DLG4: variants seen among roughly 807,000 people sequenced by gnomAD.
The protein encoded by DLG4 is disks large homolog 4.
A neutral mutation model predicts 93.8 loss-of-function variants in DLG4; 7 were observed. The ratio of observed to expected loss-of-function variants is 0.07; its 90% confidence interval spans 0.04 to 0.14. The LOEUF is 0.14. Among genes scored for constraint, DLG4 ranks in the 10% least tolerant of loss-of-function variants. The pLI is 1.00. For missense variants in DLG4, 545 were observed against 992.9 expected (o/e 0.55, Z 6.06); for synonymous variants, 341 against 387.6 (o/e 0.88, Z 1.41).
At chr17:7,218,865 C>T (rs1397565376), upstream of DLG4, 2 of 1,613,538 alleles carry the variant, frequency 1.2e-6, no homozygotes, top group South Asian at 2.2e-5. Context: ...TCTTCTCTCA[C>T]TTTAATCTCC....
At chr17:7,202,388 T>C (rs898681174) in intron 8 of DLG4, among the ~76,000 whole-genome samples, 9 of 152,114 alleles carry the variant, frequency 5.9e-5, no homozygotes, top group Admixed American at 5.2e-4. Flanking sequence ...AATATATGAA[T>C]CATATTAAGA....
In DLG4 at chr17:7,193,933, T is replaced by TC. The variant is rs2069634083; in HGVS notation, c.1515+30dup. 1 of 1,613,458 alleles carries TC rather than the reference T, an allele frequency of 6.2e-7. No homozygotes were observed. Among genetic ancestry groups the TC allele is most frequent in the African/African-American group, 1.3e-5 (1 of 74,974 alleles). ...GCTCAGCTCCATGAGCCCTCACACTTCCACCCAGGCTCACACCCTCCTCCA... is the reference window on the plus strand; with the variant it reads ...GCTCAGCTCCATGAGCCCTCACACTTCCCACCCAGGCTCACACCCTCCTCCA... On this transcript the variant is annotated intron_variant, in intron 13 of 19. Transcript: ENST00000399506. This position sits in a 1 kb window ranked among gnomAD's most constrained non-coding sequence, Gnocchi z 6.7.
At chr17:7,201,143 C>A (rs1388542885) in intron 8 of DLG4, among the ~76,000 whole-genome samples, 2 of 152,210 alleles carry the variant, frequency 1.3e-5, no homozygotes, top group African/African-American at 4.8e-5. Flanking sequence ...GGATTACAGG[C>A]ATGAGCCACC....
rs909588784 is a variant in DLG4 at position 7,196,717 on chromosome 17, G to A, written c.1083+40C>T. The A allele has an allele frequency of 1.9e-6, 3 of 1,584,554 alleles. No homozygotes were observed. The African/African-American group carries it at 4.0e-5, about 21-fold the overall frequency. Reference sequence around the variant, plus strand: ...CCAAGAGCTCTGCGCTCTGCCCTGTGGGGAGGGGGTGGTGCAGGTAGGGGC... The same window carrying A: ...CCAAGAGCTCTGCGCTCTGCCCTGTAGGGAGGGGGTGGTGCAGGTAGGGGC... On this transcript the variant is annotated intron_variant, in intron 9 of 19. Transcript: ENST00000399506. The surrounding 1 kb of genome is among the most constrained non-coding windows in gnomAD (Gnocchi z 8.3).
At position 7,193,143 on chromosome 17, in the gene DLG4, A is replaced by G; in HGVS notation, c.1694-26T>C. On this transcript the variant is annotated intron_variant, in intron 16 of 19. Transcript: ENST00000399506. This position sits in a 1 kb window ranked among gnomAD's most constrained non-coding sequence, Gnocchi z 6.7. ...CTGCCAGGAAGTCACCCCACCCCCC[A>G]AAGATCTAACCACCATCCCTCTAGC... 1 of 1,612,000 alleles carries G rather than the reference A, an allele frequency of 6.2e-7. No individual in the cohort carries two copies. The highest frequency in any genetic ancestry group is 8.5e-7 in the Non-Finnish European group (1 of 1,178,946).
rs750427347 is a variant in DLG4, at chr17:7,196,358, T to G, written c.1187-24A>C. 3.7e-6 allele frequency: 6 copies of G among 1,612,896 alleles called. No individual in the cohort carries two copies. Among genetic ancestry groups the G allele is most frequent in the Non-Finnish European group, 5.1e-6 (6 of 1,178,870 alleles). ...CTCTGAGGAAGGACAGGGAGGTTTC[T>G]GAGCTCTGTCCCCATCCTACTGTCA... On this transcript the variant is annotated intron_variant, in intron 10 of 19. Transcript: ENST00000399506. This position sits in a 1 kb window ranked among gnomAD's most constrained non-coding sequence, Gnocchi z 8.3.
At chr17:7,206,211 T>A (rs2070456923) in intron 2 of DLG4, among the ~76,000 whole-genome samples, 1 of 152,012 alleles carries the variant, frequency 6.6e-6, no homozygotes, top group Non-Finnish European at 1.5e-5. Context: ...CACCTCAGCC[T>A]CCTGAGTAGC....
chr17:7,197,503 TG>T (rs2069857859), intron 8 of DLG4, among the ~76,000 whole-genome samples: 1 of 151,978 alleles, frequency 6.6e-6, no homozygotes, highest in African/African-American at 2.4e-5. Context: ...TTTGTTTTTT[TG>T]GGGTTTTTTT....
In DLG4 at chr17:7,191,317, G is replaced by C. The variant is rs1268471641; in HGVS notation, c.2018C>G (p.Ala673Gly). 2.5e-6 allele frequency: 4 copies of C among 1,613,942 alleles called. No homozygotes were observed. The highest frequency in any genetic ancestry group is 3.4e-6 in the Non-Finnish European group (4 of 1,179,852). ...KRITEEQARK[A>G]FDRATKLEQE... ...CTCCAGCTTGGTGGCTCTGTCGAAG[G>C]CTTTGCGGGCTTGCTCCTCTGTGAT... The change falls in exon 19 of 20, where the codon GCC becomes GGC. Residue 673 changes from alanine (A) to glycine (G), a missense_variant. Around this residue, in one of 5 missense-constraint regions of DLG4, gnomAD observed 428 missense variants for 741.4 expected, o/e 0.58. Transcript: ENST00000399506. This position sits in a 1 kb window ranked among gnomAD's most constrained non-coding sequence, Gnocchi z 6.6.
intron 1 of DLG4, among the ~76,000 whole-genome samples, chr17:7,210,251 G>A (rs72839704): frequency 0.024 from 3,686 of 152,278 alleles, 67 homozygotes; most frequent in Middle Eastern, 0.041. Context: ...TGTAGAGTAA[G>A]GGTACAGTAA....
upstream of DLG4, chr17:7,218,706 T>C: frequency 6.5e-7 from 1 of 1,542,228 alleles, no homozygotes; most frequent in Non-Finnish European, 8.8e-7. Context: ...ACACTGTCAC[T>C]TCATCTCCCC....
Position 7,189,371 on chromosome 17 carries a change from C to A in DLG4, c.*1337G>T, listed in dbSNP as rs1302580800. Reference sequence around the variant, plus strand: ...AGGCATGGTGGCAGTAATCTGTAATCCCAGCTACTCAGGGGGCTGAGGCAG... The same window carrying A: ...AGGCATGGTGGCAGTAATCTGTAATACCAGCTACTCAGGGGGCTGAGGCAG... On this transcript the variant is annotated 3_prime_UTR_variant, in exon 20 of 20. Transcript: ENST00000399506. Among the ~76,000 whole-genome samples the A allele has an allele frequency of 6.6e-6, 1 of 151,848 alleles. No homozygotes were observed. The highest frequency in any genetic ancestry group is 1.5e-5 in the Non-Finnish European group (1 of 67,984).
chr17:7,196,155 G>C lies in DLG4; in HGVS notation c.1301+65C>G. On this transcript the variant is annotated intron_variant, in intron 11 of 19. Coordinates refer to ENST00000399506, the MANE Select transcript of DLG4 (RefSeq NM_001321075.3). The surrounding 1 kb of genome is among the most constrained non-coding windows in gnomAD (Gnocchi z 8.3). Reference sequence around the variant, plus strand: ...TGGAGAAGAGGAGCGGCTGAGGCCCGGGCCAGGCACAGAGTGCCCAGGAAC... The same window carrying C: ...TGGAGAAGAGGAGCGGCTGAGGCCCCGGCCAGGCACAGAGTGCCCAGGAAC... 7.7e-7 allele frequency: 1 copy of C among 1,293,604 alleles called. No homozygotes were observed. 80.1% of individuals were successfully genotyped at this position (1,293,604 alleles called of 1,614,324 possible).
intron 1 of DLG4, among the ~76,000 whole-genome samples, chr17:7,214,937 C>T (rs1220739599): frequency 2.0e-5 from 3 of 152,154 alleles, no homozygotes; most frequent in African/African-American, 7.2e-5. Flanking sequence ...TAAATATAGG[C>T]AATGAAAGAT....
rs2069474411 is a variant in DLG4, at chr17:7,191,143, A to G, written c.2068+124T>C. On this transcript the variant is annotated intron_variant, in intron 19 of 19. Coordinates refer to ENST00000399506, the MANE Select transcript of DLG4 (RefSeq NM_001321075.3). The surrounding 1 kb of genome is among the most constrained non-coding windows in gnomAD (Gnocchi z 6.6). ...CGCCAGTGCTGGGATTACAGGCGTG[A>G]GCCACCATGCCGCGCCCACAGGGGC... The G allele has an allele frequency of 9.4e-6, 8 of 846,570 alleles. No homozygotes were observed. In the East Asian group the frequency reaches 1.9e-4, roughly 20 times the overall value. 52.4% of individuals were successfully genotyped at this position (846,570 alleles called of 1,614,324 possible). A position where few individuals can be genotyped will look rare whatever the true frequency, so the allele number is the denominator to read the frequency against.
At chr17:7,212,761 AC>A in intron 1 of DLG4, among the ~76,000 whole-genome samples, 1 of 152,122 alleles carries the variant, frequency 6.6e-6, no homozygotes, top group African/African-American at 2.4e-5. Context: ...TTGGCCTGGC[AC>A]GGTGGCTCAC....
Position 7,204,032 on chromosome 17 carries a change from T to C in DLG4, c.186A>G (p.Glu62=). The change falls in exon 4 of 20, where the codon GAA becomes GAG. Residue 62 remains glutamate, a synonymous_variant. Transcript: ENST00000399506. Reference sequence around the variant, plus strand: ...CCCTTTCCAATGTGATTTCCTCGTATTCCATCTCCCCCTCGGTCCCGTTCA... The same window carrying C: ...CCCTTTCCAATGTGATTTCCTCGTACTCCATCTCCCCCTCGGTCCCGTTCA... ...LQVNGTEGEM[E]YEEITLERGN... 6.2e-7 allele frequency: 1 copy of C among 1,611,500 alleles called. No individual in the cohort carries two copies. The highest frequency in any genetic ancestry group is 8.5e-7 in the Non-Finnish European group (1 of 1,178,900).
At chr17:7,218,052 G>C (rs923664687), upstream of DLG4, among the ~76,000 whole-genome samples, 4 of 151,852 alleles carry the variant, frequency 2.6e-5, no homozygotes, top group African/African-American at 9.7e-5. Flanking sequence ...CAAAGAAAAC[G>C]AGGAAGAAAG....
Position 7,194,516 on chromosome 17 carries a change from G to A in DLG4, c.1302-21C>T, listed in dbSNP as rs747646714. On this transcript the variant is annotated intron_variant, in intron 11 of 19. Coordinates refer to ENST00000399506, the MANE Select transcript of DLG4 (RefSeq NM_001321075.3). The surrounding 1 kb of genome is among the most constrained non-coding windows in gnomAD (Gnocchi z 4.4). ...GGGCCCTGGAGGGCAAGTGGCTATC[G>A]GTCAGAGCCCAGCTGAGGACTCCAG... is the stretch of plus-strand genomic sequence containing the variant. 4.2e-5 allele frequency: 66 copies of A among 1,588,484 alleles called. No individual in the cohort carries two copies. Among genetic ancestry groups the A allele is most frequent in the Middle Eastern group, 3.3e-4 (2 of 5,986 alleles).
Sources: gnomAD v4.1 joint callset for allele counts (sites outside exome capture counted in the v4.1 genomes callset) on GRCh38, gnomAD v4.1.1 for gene constraint, gnomAD v4.1.1 regional missense constraint, Gnocchi (gnomAD v3.1) non-coding constraint, MANE v1.5 for transcripts, NCBI Gene and HGNC (gene_info 2026-07-23, HGNC 2026-07-21) for gene names.